RPH3AL: variants seen among roughly 807,000 people sequenced by gnomAD.
The protein encoded by RPH3AL is rabphilin 3A like (without C2 domains).
In RPH3AL, 38 loss-of-function variants were observed where a neutral mutation model predicts 43.1. That is an observed-to-expected ratio of 0.88 (90% CI 0.68 to 1.15). The LOEUF is 1.15. Ranked by LOEUF, RPH3AL falls within the 50% of genes most tolerant of loss-of-function variation. The pLI is 0.00. For synonymous variants in RPH3AL, 189 were observed against 176.3 expected, an observed-to-expected ratio of 1.07 and a Z score of -0.57; for missense variants, 462 against 423.2, an observed-to-expected ratio of 1.09 and a Z score of -0.81.
intron 1 of RPH3AL, among the ~76,000 whole-genome samples, chr17:341,714 T>C (rs2045124017): frequency 6.6e-6 from 1 of 152,190 alleles, no homozygotes; most frequent in Non-Finnish European, 1.5e-5. Context: ...AAATTGGATT[T>C]TTTATCATAA....
intron 6 of RPH3AL, among the ~76,000 whole-genome samples, chr17:265,030 G>T (rs1233973356): frequency 1.3e-5 from 2 of 152,114 alleles, no homozygotes; most frequent in Non-Finnish European, 2.9e-5. Context: ...AACCCAAAAA[G>T]TAGCTGGAAA....
At chr17:227,906 T>C (rs1376814480) in intron 7 of RPH3AL, among the ~76,000 whole-genome samples, 2 of 152,140 alleles carry the variant, frequency 1.3e-5, no homozygotes, top group Admixed American at 6.5e-5. Flanking sequence ...TGTAAAGGAA[T>C]GATGATAAGG....
Position 215,432 on chromosome 17 carries a change from G to C in RPH3AL, c.876+222C>G, listed in dbSNP as rs572669250. ...GATGGTAACCACTGCTGTGATTACC[G>C]AGAGTGGCTAGGGATGGCTACCATT... On this transcript the variant is annotated intron_variant, in intron 9 of 9. Coordinates refer to ENST00000331302, the MANE Select transcript of RPH3AL (RefSeq NM_006987.4). This position sits in a 1 kb window ranked among gnomAD's most constrained non-coding sequence, Gnocchi z 4.1. 1.3e-5 allele frequency among the ~76,000 whole-genome samples: 2 copies of C among 152,336 alleles called. No homozygotes were observed. Among genetic ancestry groups the C allele is most frequent in the South Asian group, 4.1e-4 (2 of 4,828 alleles).
chr17:224,952 CG>C (rs201960873), intron 7 of RPH3AL, among the ~76,000 whole-genome samples: 31,678 of 103,802 alleles, frequency 0.31, 4,395 homozygotes, highest in Middle Eastern at 0.44. Context: ...CATCACACAC[CG>C]GGGCCTGTCA....
intron 1 of RPH3AL, among the ~76,000 whole-genome samples, chr17:352,123 C>T (rs371147188): frequency 6.6e-6 from 1 of 152,234 alleles, no homozygotes; most frequent in Admixed American, 6.5e-5. Flanking sequence ...TTTTCGGCCC[C>T]ATCTCACAGT....
At position 318,948 on chromosome 17, in the gene RPH3AL, C is replaced by G. The variant is rs547392249; in HGVS notation, c.351+472G>C. Among the ~76,000 whole-genome samples the G allele has an allele frequency of 2.0e-5, 3 of 152,136 alleles. No homozygotes were observed. In the East Asian group the frequency reaches 5.8e-4, roughly 29 times the overall value. On this transcript the variant is annotated intron_variant, in intron 5 of 9. Transcript: ENST00000331302. ...AACTAAAAACATTTTTTCCTTGTTG[C>G]CTTCATATATTCTGGAGATGATAAC...
At position 263,698 on chromosome 17, in the gene RPH3AL, G is replaced by C. The variant is rs2042253636; in HGVS notation, c.439-16413C>G. On this transcript the variant is annotated intron_variant, in intron 6 of 9. Transcript: ENST00000331302. ...TGAATCTGGATGTGGCTTAAGGGAG[G>C]AAAGCTGGTAGCTCAGGAAAGGAAA... Among the ~76,000 whole-genome samples, 3 of 152,346 alleles carry C rather than the reference G, an allele frequency of 2.0e-5. No individual in the cohort carries two copies. The South Asian group carries it at 6.2e-4, about 32-fold the overall frequency.
chr17:330,013 A>G lies in RPH3AL; in HGVS notation c.-36-2434T>C, dbSNP rs561409971. 6.6e-5 allele frequency among the ~76,000 whole-genome samples: 10 copies of G among 152,380 alleles called. 1 individual carries two copies. The South Asian group carries it at 1.9e-3, about 28-fold the overall frequency. ...GGATAAAACCCAGAGTCCTATGACT[A>G]TTCTTATGGAAACACTTTTGACCTG... is the stretch of plus-strand genomic sequence containing the variant. On this transcript the variant is annotated intron_variant, in intron 2 of 9. Transcript: ENST00000331302.
intron 8 of RPH3AL, among the ~76,000 whole-genome samples, chr17:216,823 A>G (rs575715722): frequency 6.6e-6 from 1 of 152,260 alleles, no homozygotes; most frequent in African/African-American, 2.4e-5. Flanking sequence ...GCTCTGTGGA[A>G]AGAGTATCAT....
intron 4 of RPH3AL, 41 bp from the exon 5 acceptor site, chr17:319,590 G>T (rs554006080): frequency 4.0e-5 from 64 of 1,603,804 alleles, no homozygotes; most frequent in Middle Eastern, 3.3e-4. Context: ...TGTGCTTCCT[G>T]CCTGGGCACA....
At chr17:324,693 AGC>A (rs2044570220) in intron 3 of RPH3AL, among the ~76,000 whole-genome samples, 1 of 148,782 alleles carries the variant, frequency 6.7e-6, no homozygotes, top group African/African-American at 2.5e-5. Flanking sequence ...CTATCTATCT[AGC>A]TAGCTAGCTA....
chr17:295,369 G>A (rs1212198672), intron 5 of RPH3AL, among the ~76,000 whole-genome samples: 17 of 133,750 alleles, frequency 1.3e-4, no homozygotes, highest in East Asian at 4.8e-4. Flanking sequence ...CAGAGGGAAT[G>A]CACATCAGTG....
intron 6 of RPH3AL, among the ~76,000 whole-genome samples, chr17:269,145 T>C (rs1182064897): frequency 2.0e-5 from 3 of 152,162 alleles, no homozygotes; most frequent in South Asian, 2.1e-4. Flanking sequence ...CCTAAAGTGC[T>C]GGGATCACAG....
chr17:347,467 C>G (rs1376286086), intron 1 of RPH3AL, among the ~76,000 whole-genome samples: 1 of 151,984 alleles, frequency 6.6e-6, no homozygotes, highest in African/African-American at 2.4e-5. Flanking sequence ...GCCCACAGTC[C>G]CAGCTCCTCG....
At chr17:214,146 TA>T (rs1460598258) in intron 9 of RPH3AL, among the ~76,000 whole-genome samples, 2 of 152,324 alleles carry the variant, frequency 1.3e-5, no homozygotes, top group Admixed American at 6.5e-5. Flanking sequence ...GCCCTCCTCC[TA>T]ACCCAGGTGA....
intron 7 of RPH3AL, among the ~76,000 whole-genome samples, chr17:235,947 A>ACGGG (rs1567571816): frequency 3.4e-5 from 3 of 87,620 alleles, no homozygotes; most frequent in Non-Finnish European, 7.2e-5. Flanking sequence ...AACAAGACAG[A>ACGGG]TCCAGGGTTC....
At chr17:234,623 G>A (rs1462988728) in intron 7 of RPH3AL, 2 of 154,884 alleles carry the variant, frequency 1.3e-5, no homozygotes, top group African/African-American at 2.4e-5. Flanking sequence ...CCTCCTGACA[G>A]GGAGGCTTCC....
chr17:247,241 C>T lies in RPH3AL; in HGVS notation c.483G>A (p.Lys161=). 1.2e-6 allele frequency: 2 copies of T among 1,609,318 alleles called. No homozygotes were observed. Among genetic ancestry groups the T allele is most frequent in the Non-Finnish European group, 1.7e-6 (2 of 1,177,326 alleles). ...SGAWFYKGLP[K]YILPLKTPGR... ...CAGGGGTCTTCAGGGGCAAGATATA[C>T]TTGGGGAGCCCTTTGTAGAACCAGG... The change falls in exon 7 of 10, where the codon AAG becomes AAA. Residue 161 remains lysine, a synonymous_variant. Coordinates refer to ENST00000331302, the MANE Select transcript of RPH3AL (RefSeq NM_006987.4).
intron 7 of RPH3AL, among the ~76,000 whole-genome samples, chr17:228,780 C>T (rs1348433038): frequency 6.6e-6 from 1 of 152,148 alleles, no homozygotes; most frequent in Non-Finnish European, 1.5e-5. Context: ...CTCAGAAATC[C>T]TCCTCTCCAG....
Sources: gnomAD v4.1 joint callset for allele counts (sites outside exome capture counted in the v4.1 genomes callset) on GRCh38, gnomAD v4.1.1 for gene constraint, Gnocchi (gnomAD v3.1) non-coding constraint, MANE v1.5 for transcripts, NCBI Gene and HGNC (gene_info 2026-07-23, HGNC 2026-07-21) for gene names.